The following GYG1 variants were observed in gnomAD, a reference collection of about 807,000 sequenced individuals.
GYG1 encodes the protein glycogenin 1.
GYG1 carries 44 observed loss-of-function variants against 41.9 expected under a neutral mutation model. The ratio of observed to expected loss-of-function variants is 1.05; its 90% confidence interval spans 0.83 to 1.35. The LOEUF is 1.35. GYG1 is among the 40% of genes most tolerant of loss of function. The probability of loss-of-function intolerance (pLI) is 0.00; values close to 1 mark genes in which losing one functional copy is unlikely to be tolerated. For synonymous variants in GYG1, 141 were observed against 158.1 expected, an observed-to-expected ratio of 0.89 and a Z score of 0.81; for missense variants, 429 against 418.9, an observed-to-expected ratio of 1.02 and a Z score of -0.21.
Position 149,029,202 on chromosome 3 carries a change from T to C in GYG1, c.*2269T>C, listed in dbSNP as rs372839523. Among the ~76,000 whole-genome samples the C allele has an allele frequency of 3.3e-5, 5 of 152,326 alleles. 1 individual carries two copies. Among genetic ancestry groups the C allele is most frequent in the East Asian group, 1.9e-4 (1 of 5,190 alleles). On this transcript the variant is annotated 3_prime_UTR_variant, in exon 8 of 8. Transcript: ENST00000345003. The stretch of plus-strand genomic sequence containing the variant: ...GGTGAAGTATTAACTAACTTTTCCA[T>C]GTAAAGCTATACAAATATTGGAAAA...
In GYG1 at chr3:149,028,949, C is replaced by T. The variant is rs1328685220; in HGVS notation, c.*2016C>T. On this transcript the variant is annotated 3_prime_UTR_variant, in exon 8 of 8. Coordinates refer to ENST00000345003, the MANE Select transcript of GYG1 (RefSeq NM_004130.4). ...TGCCAGGATGGTCTCAATCTCTTGACCTCGTGATCCACCGGCCTTGGCCTC... is the reference window on the plus strand; with the variant it reads ...TGCCAGGATGGTCTCAATCTCTTGATCTCGTGATCCACCGGCCTTGGCCTC... Among the ~76,000 whole-genome samples the T allele has an allele frequency of 6.6e-6, 1 of 152,096 alleles. No individual in the cohort carries two copies. Among genetic ancestry groups the T allele is most frequent in the Non-Finnish European group, 1.5e-5 (1 of 68,012 alleles).
intron 6 of GYG1, 98 bp downstream of exon 6, chr3:149,024,370 A>G: frequency 1.3e-6 from 1 of 794,518 alleles, no homozygotes; most frequent in South Asian, 1.4e-5. Context: ...ATTTTAAACA[A>G]AGAGATAAAT....
intron 4 of GYG1, chr3:149,007,920 G>A (rs929193078): frequency 3.0e-4 from 46 of 152,334 alleles, no homozygotes; most frequent in African/African-American, 1.1e-3. Flanking sequence ...GAAAGCACAT[G>A]AAATATATGG....
chr3:148,994,311 G>A (rs1712667528), intron 2 of GYG1, 34 bp downstream of exon 2: 2 of 1,610,362 alleles, frequency 1.2e-6, no homozygotes, highest in Non-Finnish European at 1.7e-6. Context: ...GCATCCAAGG[G>A]GCTCTGACAT....
Position 149,028,053 on chromosome 3 carries a change from G to A in GYG1, c.*1120G>A, listed in dbSNP as rs547334693. ...CATTCTAGGTTGTAAGAGATGGCAA[G>A]CTAAAGAAGGGTAGGATCCAAGATG... On this transcript the variant is annotated 3_prime_UTR_variant, in exon 8 of 8. Transcript: ENST00000345003. 6.6e-6 allele frequency among the ~76,000 whole-genome samples: 1 copy of A among 152,320 alleles called. No homozygotes were observed. The highest frequency in any genetic ancestry group is 6.5e-5 in the Admixed American group (1 of 15,298).
chr3:149,009,382 C>G lies in GYG1; in HGVS notation c.588C>G (p.Ser196=), dbSNP rs1288500526. The G allele has an allele frequency of 6.2e-7, 1 of 1,613,562 alleles. No homozygotes were observed. Among genetic ancestry groups the G allele is most frequent in the East Asian group, 2.2e-5 (1 of 44,886 alleles). The stretch of plus-strand genomic sequence containing the variant: ...ACCTAAGCAGCATCTCTATATACTC[C>G]TACCTCCCGGCATTTAAAGTGTAAG... The part of the protein sequence containing the change: ...IYNLSSISIY[S]YLPAFKVFGA... The change falls in exon 5 of 8, where the codon TCC becomes TCG. Residue 196 remains serine, a synonymous_variant. Coordinates refer to ENST00000345003, the MANE Select transcript of GYG1 (RefSeq NM_004130.4).
intron 4 of GYG1, among the ~76,000 whole-genome samples, chr3:148,997,416 A>G (rs1000310753): frequency 4.6e-5 from 7 of 152,224 alleles, no homozygotes; most frequent in African/African-American, 9.6e-5. Context: ...CTCATTCTCT[A>G]TAAGGCTGTC....
chr3:149,013,718 A>C (rs1477597713), intron 5 of GYG1, among the ~76,000 whole-genome samples: 1 of 152,190 alleles, frequency 6.6e-6, no homozygotes, highest in Non-Finnish European at 1.5e-5. Flanking sequence ...TCCCCAAAGA[A>C]ATTAAACCTT....
At chr3:148,992,209 G>GTT (rs1712527765) in intron 1 of GYG1, among the ~76,000 whole-genome samples, 3 of 152,270 alleles carry the variant, frequency 2.0e-5, no homozygotes, top group Non-Finnish European at 2.9e-5. Flanking sequence ...TAGCGTCCCC[G>GTT]GGCGCGAGCC....
rs1400065020 is a variant in GYG1, at chr3:149,027,335, G to A, written c.*402G>A. On this transcript the variant is annotated 3_prime_UTR_variant, in exon 8 of 8. Transcript: ENST00000345003. Reference sequence around the variant, plus strand: ...TGCTTGTTGGTTGTGTACCTTTCACGAGACCTGAATTTTAGAATTGCCCAG... The same window carrying A: ...TGCTTGTTGGTTGTGTACCTTTCACAAGACCTGAATTTTAGAATTGCCCAG... 4.6e-6 allele frequency: 1 copy of A among 219,198 alleles called. No homozygotes were observed. Among genetic ancestry groups the A allele is most frequent in the South Asian group, 7.9e-5 (1 of 12,704 alleles). The allele number at this position is 219,198 out of a possible 1,614,324, so 13.6% of individuals were successfully genotyped here.
rs1225275469 is a variant in GYG1, at chr3:149,029,844, A to G, written c.*2911A>G. Reference sequence around the variant, plus strand: ...GATTAAGAGTGCTATCTGTGTATATATAGGTATTATCACAACTCCTTTTTT... The same window carrying G: ...GATTAAGAGTGCTATCTGTGTATATGTAGGTATTATCACAACTCCTTTTTT... On this transcript the variant is annotated 3_prime_UTR_variant, in exon 8 of 8. Transcript: ENST00000345003. Among the ~76,000 whole-genome samples, 3 of 152,198 alleles carry G rather than the reference A, an allele frequency of 2.0e-5. No individual in the cohort carries two copies. The highest frequency in any genetic ancestry group is 7.2e-5 in the African/African-American group (3 of 41,460).
Position 149,012,295 on chromosome 3 carries a change from C to T in GYG1, c.608+2893C>T, listed in dbSNP as rs530436084. Reference sequence around the variant, plus strand: ...GGTTCAGAATAACCTTGGTGGTCTCCAGGACTAAGTAGCCCTATAGTATGC... The same window carrying T: ...GGTTCAGAATAACCTTGGTGGTCTCTAGGACTAAGTAGCCCTATAGTATGC... On this transcript the variant is annotated intron_variant, in intron 5 of 7. Coordinates refer to ENST00000345003, the MANE Select transcript of GYG1 (RefSeq NM_004130.4). Among the ~76,000 whole-genome samples, 144 of 151,116 alleles carry T rather than the reference C, an allele frequency of 9.5e-4. 2 individuals carry two copies. The highest frequency in any genetic ancestry group is 1.8e-3 in the Non-Finnish European group (122 of 67,168).
chr3:149,026,660 CATG>C (rs1714667825), intron 7 of GYG1, 97 bp from the exon 8 acceptor site: 2 of 1,051,642 alleles, frequency 1.9e-6, no homozygotes, highest in African/African-American at 3.1e-5. Context: ...TGCTACTTTG[CATG>C]ATGATTCATC....
At chr3:148,997,737 A>C (rs921839985) in intron 4 of GYG1, among the ~76,000 whole-genome samples, 2 of 152,252 alleles carry the variant, frequency 1.3e-5, no homozygotes, top group Non-Finnish European at 2.9e-5. Flanking sequence ...AATAGAGAAG[A>C]AGGAGGACAT....
intron 7 of GYG1, 95 bp from the exon 8 acceptor site, chr3:149,026,665 T>C: frequency 1.9e-6 from 2 of 1,074,050 alleles, no homozygotes; most frequent in Admixed American, 3.4e-5. Flanking sequence ...CTTTGCATGA[T>C]GATTCATCCT....
Position 148,991,569 on chromosome 3 carries a change from T to C in GYG1, c.-72T>C, listed in dbSNP as rs1006260250. 1.2e-5 allele frequency: 18 copies of C among 1,531,874 alleles called. No homozygotes were observed. In the Admixed American group the frequency reaches 1.9e-4, roughly 17 times the overall value. 94.9% of individuals were successfully genotyped at this position (1,531,874 alleles called of 1,614,324 possible). A position where few individuals can be genotyped will look rare whatever the true frequency, so the allele number is the denominator to read the frequency against. On this transcript the variant is annotated 5_prime_UTR_variant, in exon 1 of 8. Coordinates refer to ENST00000345003, the MANE Select transcript of GYG1 (RefSeq NM_004130.4). The stretch of plus-strand genomic sequence containing the variant: ...CGCCGTGCCTCCTCGCTGGCCGCGC[T>C]CCCTCCCGGTGCCGGCTTCTCTGAG...
chr3:149,021,802 T>C (rs1714386017), intron 5 of GYG1, among the ~76,000 whole-genome samples: 1 of 152,166 alleles, frequency 6.6e-6, no homozygotes, highest in African/African-American at 2.4e-5. Context: ...TAGGAAAGGT[T>C]ACACGAGTTT....
In GYG1 at chr3:149,021,497, C is replaced by T. The variant is rs1375140711; in HGVS notation, c.609-2556C>T. On this transcript the variant is annotated intron_variant, in intron 5 of 7. Transcript: ENST00000345003. ...AAGAGGAAAGAGCTTTACAAATAGG[C>T]TGTATTTTTCTTGCATGCTTTTTGG... Among the ~76,000 whole-genome samples, 7 of 152,172 alleles carry T rather than the reference C, an allele frequency of 4.6e-5. No individual in the cohort carries two copies. The South Asian group carries it at 6.2e-4, about 14-fold the overall frequency.
At position 149,029,817 on chromosome 3, in the gene GYG1, T is replaced by C. The variant is rs536641402; in HGVS notation, c.*2884T>C. Among the ~76,000 whole-genome samples, 158 of 152,318 alleles carry C rather than the reference T, an allele frequency of 1.0e-3. 1 individual carries two copies. Among genetic ancestry groups the C allele is most frequent in the Middle Eastern group, 3.4e-3 (1 of 294 alleles). The stretch of plus-strand genomic sequence containing the variant: ...ATTTTAAGGACAAAATGTACAATGA[T>C]TGATTAAGAGTGCTATCTGTGTATA... On this transcript the variant is annotated 3_prime_UTR_variant, in exon 8 of 8. Transcript: ENST00000345003.
Sources: gnomAD v4.1 joint callset for allele counts (sites outside exome capture counted in the v4.1 genomes callset) on GRCh38, gnomAD v4.1.1 for gene constraint, MANE v1.5 for transcripts, NCBI Gene and HGNC (gene_info 2026-07-23, HGNC 2026-07-21) for gene names.